The following TLX1 variants were observed in gnomAD, a reference collection of about 807,000 sequenced individuals.
TLX1 encodes the protein T-cell leukemia homeobox protein 1.
A neutral mutation model predicts 26.5 loss-of-function variants in TLX1; 6 were observed. The ratio of observed to expected loss-of-function variants is 0.23; its 90% CI spans 0.12 to 0.45. TLX1 has a LOEUF of 0.45. TLX1 is among the 20% of genes least tolerant of loss of function. TLX1 has a pLI of 0.99. For missense variants in TLX1, 418 were observed against 482.6 expected (o/e 0.87, Z 1.25); for synonymous variants, 217 against 219.7 (o/e 0.99, Z 0.11).
At position 101,136,862 on chromosome 10, in the gene TLX1, C is replaced by T. The variant is rs759349675; in HGVS notation, c.942C>T (p.Asp314=). 2 of 1,613,356 alleles carry T rather than the reference C, an allele frequency of 1.2e-6. No homozygotes were observed. The highest frequency in any genetic ancestry group is 2.2e-5 in the East Asian group (1 of 44,878). Residue 314 remains aspartate, a synonymous_variant, in exon 3 of 3, where the codon GAC becomes GAT. Transcript: ENST00000370196. ...FALQNLQPWS[D]DSTKITSVTS... ...TGCAGAATCTGCAGCCGTGGTCTGA[C>T]GACTCGACCAAAATCACTAGCGTCA...
intron 2 of TLX1, 44 bp from the exon 3 acceptor site, chr10:101,136,647 C>G: frequency 3.1e-6 from 5 of 1,612,506 alleles, no homozygotes; most frequent in Non-Finnish European, 3.4e-6. Flanking sequence ...CACGCGGGAG[C>G]TGGGTCGGTG....
In TLX1 at chr10:101,136,954, GGGTCACTGA is replaced by G. The variant is rs1940310225; in HGVS notation, c.*44_*52del. ...CCTGTGGGACCCCAGGCCCACTCAG[GGGTCACTGA>G]GGCCTGAGACCCAGGACTCCTCCCC... is the stretch of plus-strand genomic sequence containing the variant. On this transcript the variant is annotated 3_prime_UTR_variant, in exon 3 of 3. Transcript: ENST00000370196. 1.2e-6 allele frequency: 2 copies of G among 1,604,346 alleles called. No homozygotes were observed. The highest frequency in any genetic ancestry group is 2.7e-5 in the African/African-American group (2 of 74,848).
intron 2 of TLX1, among the ~76,000 whole-genome samples, chr10:101,134,591 C>A (rs528656682): frequency 6.6e-6 from 1 of 152,354 alleles, no homozygotes; most frequent in South Asian, 2.1e-4. Flanking sequence ...TTACCGGAGG[C>A]TTCAGGGCTT....
intron 1 of TLX1, 33 bp from the exon 2 acceptor site, chr10:101,134,142 C>A: frequency 6.5e-7 from 1 of 1,545,150 alleles, no homozygotes. Context: ...GCTCCAGTGG[C>A]CCTCTCACCC....
chr10:101,135,282 T>A (rs529643217), intron 2 of TLX1: 1 of 153,074 alleles, frequency 6.5e-6, no homozygotes, highest in Admixed American at 6.5e-5. Flanking sequence ...CTGGGCGAAG[T>A]CGGCGGCGCC....
chr10:101,136,413 T>C (rs1940295087), intron 2 of TLX1, among the ~76,000 whole-genome samples: 1 of 152,176 alleles, frequency 6.6e-6, no homozygotes, highest in Non-Finnish European at 1.5e-5. Context: ...GTGTGGGCGC[T>C]GCGCGTGGAT....
intron 2 of TLX1, 171 bp from the exon 3 acceptor site, chr10:101,136,519 GA>G: frequency 9.8e-7 from 1 of 1,024,748 alleles, no homozygotes; most frequent in East Asian, 2.6e-5. Flanking sequence ...GTCTTTGTTG[GA>G]GTCAGGACTC....
intron 2 of TLX1, among the ~76,000 whole-genome samples, chr10:101,134,859 GAC>G (rs969656592): frequency 1.1e-4 from 16 of 152,362 alleles, no homozygotes; most frequent in African/African-American, 3.6e-4. Context: ...CGGCCCTGCT[GAC>G]GGTCTCCTCC....
intron 2 of TLX1, among the ~76,000 whole-genome samples, chr10:101,136,004 A>C (rs1003436652): frequency 1.3e-5 from 2 of 152,138 alleles, no homozygotes; most frequent in African/African-American, 4.8e-5. Flanking sequence ...ATCGCCTACA[A>C]ATTGCTTCTG....
At position 101,131,718 on chromosome 10, in the gene TLX1, C is replaced by T. The variant is rs1940175120; in HGVS notation, c.177C>T (p.Gly59=). The change falls in exon 1 of 3, where the codon GGC becomes GGT. Residue 59 remains glycine (G), a synonymous_variant. Coordinates refer to ENST00000370196, the MANE Select transcript of TLX1 (RefSeq NM_005521.4). Reference sequence around the variant, plus strand: ...TCGGAGGCGCCTACACTTACGGCGGCGGGGGCTCCGCGGCCGCGACGGGGG... The same window carrying T: ...TCGGAGGCGCCTACACTTACGGCGGTGGGGGCTCCGCGGCCGCGACGGGGG... ...CLVGGAYTYG[G]GGSAAATGAG... is the part of the protein sequence containing the mutation. 14 of 1,463,568 alleles carry T rather than the reference C, an allele frequency of 9.6e-6. No homozygotes were observed. The highest frequency in any genetic ancestry group is 1.3e-5 in the Non-Finnish European group (14 of 1,113,740). 90.7% of individuals were successfully genotyped at this position (1,463,568 alleles called of 1,614,324 possible).
chr10:101,136,893 G>C lies in TLX1; in HGVS notation c.973G>C (p.Val325Leu). The change falls in exon 3 of 3, where the codon GTG becomes CTG. Residue 325 changes from valine to leucine, a missense_variant. Val to Leu is a conservative substitution (Grantham distance 32). Coordinates refer to ENST00000370196, the MANE Select transcript of TLX1 (RefSeq NM_005521.4). ...DSTKITSVTSVASACE is the reference protein window; with the variant it reads ...DSTKITSVTSLASACE ...GACCAAAATCACTAGCGTCACGTCG[G>C]TGGCGTCGGCCTGCGAGTGAGCCTG... 1 of 1,613,646 alleles carries C rather than the reference G, an allele frequency of 6.2e-7. No homozygotes were observed. The highest frequency in any genetic ancestry group is 8.5e-7 in the Non-Finnish European group (1 of 1,180,006).
chr10:101,136,331 G>C (rs1367770984), intron 2 of TLX1, among the ~76,000 whole-genome samples: 1 of 152,186 alleles, frequency 6.6e-6, no homozygotes, highest in Admixed American at 6.5e-5. Context: ...ATGGCACCTG[G>C]TCTCCCTCAG....
At position 101,137,268 on chromosome 10, in the gene TLX1, T is replaced by G; in HGVS notation, c.*355T>G. 2.9e-6 allele frequency: 1 copy of G among 340,940 alleles called. No individual in the cohort carries two copies. The highest frequency in any genetic ancestry group is 5.4e-6 in the Non-Finnish European group (1 of 184,914). 21.1% of individuals were successfully genotyped at this position (340,940 alleles called of 1,614,324 possible). A position where few individuals can be genotyped will look rare whatever the true frequency, so the allele number is the denominator to read the frequency against. ...GGGGTCCCCAGGGCTGTCATCTGAATTTGCCCTGGGAAACCCCTTCTCTGT... is the reference window on the plus strand; with the variant it reads ...GGGGTCCCCAGGGCTGTCATCTGAAGTTGCCCTGGGAAACCCCTTCTCTGT... On this transcript the variant is annotated 3_prime_UTR_variant, in exon 3 of 3. Coordinates refer to ENST00000370196, the MANE Select transcript of TLX1 (RefSeq NM_005521.4).
At chr10:101,134,484 G>C (rs1312029152) in intron 2 of TLX1, 108 bp downstream of exon 2, 3 of 1,264,638 alleles carry the variant, frequency 2.4e-6, no homozygotes, top group Non-Finnish European at 3.2e-6. Context: ...CGCGGTTTCT[G>C]ATCCTTTCGG....
intron 2 of TLX1, among the ~76,000 whole-genome samples, chr10:101,134,733 C>T (rs193244463): frequency 1.0e-3 from 156 of 152,328 alleles, no homozygotes; most frequent in Non-Finnish European, 2.0e-3. Flanking sequence ...TTTTTGTTTG[C>T]GCAAACTCTT....
chr10:101,136,691 A>G lies in TLX1; in HGVS notation c.771A>G (p.Arg257=). The change falls in exon 3 of 3, where the codon AGA becomes AGG. Residue 257 remains arginine, a splice_region_variant and synonymous_variant. Coordinates refer to ENST00000370196, the MANE Select transcript of TLX1 (RefSeq NM_005521.4). ...TWFQNRRTKW[R]RQTAEEREAE... ...AGGTAACGGCTTGTTCCCGGTGCAG[A>G]CGGCAGACTGCGGAGGAACGGGAGG... The G allele has an allele frequency of 3.1e-6, 5 of 1,612,242 alleles. No homozygotes were observed. The highest frequency in any genetic ancestry group is 3.4e-6 in the Non-Finnish European group (4 of 1,179,876).
In TLX1 at chr10:101,132,124, C is replaced by CGCGCTCCCCGCCTGGCCGCGGCCCGG. The variant is rs1940192038; in HGVS notation, c.568+18_568+43dup. 1 of 1,343,396 alleles carries CGCGCTCCCCGCCTGGCCGCGGCCCGG rather than the reference C, an allele frequency of 7.4e-7. No individual in the cohort carries two copies. The highest frequency in any genetic ancestry group is 9.5e-7 in the Non-Finnish European group (1 of 1,048,290). The allele number at this position is 1,343,396 out of a possible 1,614,324, so 83.2% of individuals were successfully genotyped here. On this transcript the variant is annotated intron_variant, in intron 1 of 2. Transcript: ENST00000370196. This position sits in a 1 kb window ranked among gnomAD's most constrained non-coding sequence, Gnocchi z 4.1. Reference sequence around the variant, plus strand: ...CAGGTTCACAGGTGAGTCCGGCCCGCGCGCTCCCCGCCTGGCCGCGGCCCG... The same window carrying CGCGCTCCCCGCCTGGCCGCGGCCCGG: ...CAGGTTCACAGGTGAGTCCGGCCCGCGCGCTCCCCGCCTGGCCGCGGCCCGGGCGCTCCCCGCCTGGCCGCGGCCCG...
chr10:101,132,248 C>G lies in TLX1; in HGVS notation c.568+139C>G. The G allele has an allele frequency of 1.4e-6, 1 of 713,182 alleles. No homozygotes were observed. The highest frequency in any genetic ancestry group is 2.0e-6 in the Non-Finnish European group (1 of 507,268). The allele number at this position is 713,182 out of a possible 1,614,324, so 44.2% of individuals were successfully genotyped here. On this transcript the variant is annotated intron_variant, in intron 1 of 2. Transcript: ENST00000370196. The surrounding 1 kb of genome is among the most constrained non-coding windows in gnomAD (Gnocchi z 4.1). Reference sequence around the variant, plus strand: ...TTGGTGCTTCCCCCAAGTTGAGCCGCCCGCCCGATTCTATAACGCAGACTC... The same window carrying G: ...TTGGTGCTTCCCCCAAGTTGAGCCGGCCGCCCGATTCTATAACGCAGACTC...
intron 1 of TLX1, 38 bp from the exon 2 acceptor site, chr10:101,134,137 A>G: frequency 6.5e-7 from 1 of 1,546,856 alleles, no homozygotes; most frequent in Non-Finnish European, 8.7e-7. Context: ...CTCCCGCTCC[A>G]GTGGCCCTCT....
Sources: allele counts gnomAD v4.1 joint callset (sites outside exome capture counted in the v4.1 genomes callset), GRCh38; gene constraint gnomAD v4.1.1; non-coding constraint Gnocchi (gnomAD v3.1); transcripts MANE v1.5; gene names NCBI Gene and HGNC (gene_info 2026-07-23, HGNC 2026-07-21).